AGBL1: variants seen among roughly 807,000 people sequenced by gnomAD.
The protein encoded by AGBL1 is cytosolic carboxypeptidase 4.
A neutral mutation model predicts 118.9 loss-of-function variants in AGBL1; 130 were observed. That is an observed-to-expected ratio of 1.09 (90% CI 0.95 to 1.26). The LOEUF is 1.26. Ranked by LOEUF, AGBL1 falls within the 50% of genes most tolerant of loss-of-function variation. AGBL1 has a pLI of 0.00. For missense variants in AGBL1, 1,584 were observed against 1,298.1 expected (o/e 1.22, Z -3.38); for synonymous variants, 555 against 478.9 (o/e 1.16, Z -2.08).
At chr15:86,299,041 G>C (rs2079703740) in intron 17 of AGBL1, among the ~76,000 whole-genome samples, 1 of 152,130 alleles carries the variant, frequency 6.6e-6, no homozygotes, top group Non-Finnish European at 1.5e-5. Flanking sequence ...AAAACATTGA[G>C]CCTTACTTTC....
At chr15:86,170,574 G>T (rs1381808928) in intron 5 of AGBL1, among the ~76,000 whole-genome samples, 1 of 152,136 alleles carries the variant, frequency 6.6e-6, no homozygotes, top group African/African-American at 2.4e-5. Flanking sequence ...GCCAGGTGTG[G>T]TGGCTTATGC....
chr15:86,827,938 C>A (rs868199354), intron 22 of AGBL1, among the ~76,000 whole-genome samples: 1 of 16,760 alleles, frequency 6.0e-5, no homozygotes, highest in Non-Finnish European at 1.2e-4. Context: ...TGATGTAGGG[C>A]TTTTTTTTTT....
chr15:86,461,263 G>T (rs1279278280), intron 18 of AGBL1, among the ~76,000 whole-genome samples: 1 of 152,122 alleles, frequency 6.6e-6, no homozygotes, highest in East Asian at 1.9e-4. Context: ...GTTTTTAGGA[G>T]AGTGGAACTG....
intron 22 of AGBL1, among the ~76,000 whole-genome samples, chr15:86,782,765 T>C (rs1174183236): frequency 6.6e-6 from 1 of 152,240 alleles, no homozygotes; most frequent in Non-Finnish European, 1.5e-5. Context: ...TTTATAAATG[T>C]TGAGATTTGC....
rs1010778534 is a variant in AGBL1, at chr15:86,544,971, A to G, written c.2686-1031A>G. 3.9e-5 allele frequency among the ~76,000 whole-genome samples: 6 copies of G among 152,332 alleles called. No individual in the cohort carries two copies. The East Asian group carries it at 7.7e-4, about 20-fold the overall frequency. ...AAGATTTTGCATCACTGCCCTTGTC[A>G]TATGATTTGCAGAACCTCCCTTTAG... On this transcript the variant is annotated intron_variant, in intron 19 of 22. Coordinates refer to ENST00000614907, the MANE Select transcript of AGBL1 (RefSeq NM_001386094.1).
chr15:86,410,574 T>C (rs1471167279), intron 18 of AGBL1, among the ~76,000 whole-genome samples: 1 of 151,654 alleles, frequency 6.6e-6, no homozygotes, highest in East Asian at 2.0e-4. Context: ...TCAAGTACCA[T>C]AGTACTTCAA....
At chr15:86,550,688 A>C (rs1215517555) in intron 20 of AGBL1, among the ~76,000 whole-genome samples, 1 of 152,132 alleles carries the variant, frequency 6.6e-6, no homozygotes, top group Non-Finnish European at 1.5e-5. Context: ...GTCTTCTCTC[A>C]GTATGTGATA....
intron 5 of AGBL1, among the ~76,000 whole-genome samples, chr15:86,188,718 G>A (rs1484493518): frequency 6.6e-6 from 1 of 152,150 alleles, no homozygotes; most frequent in Non-Finnish European, 1.5e-5. Flanking sequence ...AAAATGGGAA[G>A]TGATAGCTTC....
chr15:86,937,231 G>C (rs1398734249), intron 23 of AGBL1, among the ~76,000 whole-genome samples: 1 of 152,172 alleles, frequency 6.6e-6, no homozygotes, highest in Non-Finnish European at 1.5e-5. Flanking sequence ...AACAATTGTG[G>C]AAAGCAGTAT....
chr15:86,346,378 G>T (rs532593664), intron 17 of AGBL1, among the ~76,000 whole-genome samples: 1 of 142,658 alleles, frequency 7.0e-6, no homozygotes, highest in African/African-American at 2.6e-5. Flanking sequence ...ATGAAGTCTC[G>T]CTCTGTTGCC....
chr15:86,248,544 A>C (rs774159746), intron 7 of AGBL1, among the ~76,000 whole-genome samples: 9 of 152,170 alleles, frequency 5.9e-5, no homozygotes, highest in Non-Finnish European at 1.2e-4. Flanking sequence ...CTTCAAAAAA[A>C]AGCAGAAATA....
chr15:86,650,563 C>A (rs573869686), intron 21 of AGBL1, among the ~76,000 whole-genome samples: 1 of 152,200 alleles, frequency 6.6e-6, no homozygotes, highest in Admixed American at 6.6e-5. Context: ...GCCAAGAATT[C>A]TATTGCTTGT....
At chr15:86,339,646 A>G in intron 17 of AGBL1, among the ~76,000 whole-genome samples, 1 of 152,052 alleles carries the variant, frequency 6.6e-6, no homozygotes, top group East Asian at 1.9e-4. Context: ...ATTATTTTTT[A>G]TTATAGTAAT....
At chr15:86,370,043 A>C (rs1376022909) in intron 17 of AGBL1, among the ~76,000 whole-genome samples, 1 of 152,228 alleles carries the variant, frequency 6.6e-6, no homozygotes, top group African/African-American at 2.4e-5. Flanking sequence ...AGAGCAATTT[A>C]CTTCCATCTC....
chr15:86,331,201 G>C (rs1213032412), intron 17 of AGBL1, among the ~76,000 whole-genome samples: 3 of 144,902 alleles, frequency 2.1e-5, no homozygotes, highest in African/African-American at 7.7e-5. Context: ...TCCAGCCTGG[G>C]TGACAGAGTG....
At chr15:86,652,447 C>A (rs1026010240) in intron 21 of AGBL1, among the ~76,000 whole-genome samples, 2 of 152,062 alleles carry the variant, frequency 1.3e-5, no homozygotes, top group African/African-American at 2.4e-5. Flanking sequence ...GGTTTTTATA[C>A]TTCCTGATTT....
chr15:86,850,742 A>G (rs1229442326), intron 22 of AGBL1, among the ~76,000 whole-genome samples: 1 of 152,198 alleles, frequency 6.6e-6, no homozygotes, highest in Non-Finnish European at 1.5e-5. Context: ...GAGATAATAG[A>G]AATGCTGAAA....
chr15:86,651,803 T>C (rs984472060), intron 21 of AGBL1, among the ~76,000 whole-genome samples: 3 of 152,168 alleles, frequency 2.0e-5, no homozygotes, highest in Admixed American at 2.0e-4. Flanking sequence ...TTCAGTTGAC[T>C]TCCTGAATGT....
At chr15:86,979,364 C>A (rs951701627) in intron 23 of AGBL1, among the ~76,000 whole-genome samples, 2 of 152,134 alleles carry the variant, frequency 1.3e-5, no homozygotes, top group Non-Finnish European at 2.9e-5. Context: ...CCCCCAATGT[C>A]CTAAAATCAC....
Sources: gnomAD v4.1 joint callset for allele counts (sites outside exome capture counted in the v4.1 genomes callset) on GRCh38, gnomAD v4.1.1 for gene constraint, MANE v1.5 for transcripts, NCBI Gene and HGNC (gene_info 2026-07-23, HGNC 2026-07-21) for gene names.